The following PTPN5 variants were observed in gnomAD, a reference collection of about 807,000 sequenced individuals.
PTPN5 encodes the protein protein tyrosine phosphatase non-receptor type 5.
In PTPN5, 29 loss-of-function variants were observed where a neutral mutation model predicts 73.9. The ratio of observed to expected loss-of-function variants is 0.39; its 90% CI spans 0.29 to 0.54. PTPN5 has a LOEUF of 0.54. Among genes scored for constraint, PTPN5 ranks in the 20% least tolerant of loss-of-function variants. The probability of loss-of-function intolerance (pLI) is 0.65; values close to 1 mark genes in which losing one functional copy is unlikely to be tolerated. For missense variants in PTPN5, 652 were observed against 751.4 expected (o/e 0.87, Z 1.55); for synonymous variants, 267 against 304.7 (o/e 0.88, Z 1.29).
At chr11:18,761,844 G>T (rs1850406275) in intron 3 of PTPN5, among the ~76,000 whole-genome samples, 1 of 152,210 alleles carries the variant, frequency 6.6e-6, no homozygotes, top group African/African-American at 2.4e-5. Context: ...GGAGCTGAGA[G>T]AGGTGAGTGT....
At chr11:18,789,622 C>T (rs1851820765) in intron 1 of PTPN5, among the ~76,000 whole-genome samples, 1 of 152,236 alleles carries the variant, frequency 6.6e-6, no homozygotes, top group South Asian at 2.1e-4. Context: ...CCATGATGAG[C>T]TGCTCACCCC....
In PTPN5 at chr11:18,733,200, T is replaced by G. The variant is rs1235991338; in HGVS notation, c.1218+35A>C. On this transcript the variant is annotated intron_variant, in intron 11 of 14. Transcript: ENST00000358540. This position sits in a 1 kb window ranked among gnomAD's most constrained non-coding sequence, Gnocchi z 4.3. ...AAGATACTTAGTGTAGGGCGCAATGTAGCAGACACTTAGAATGGGGACGGG... is the reference window on the plus strand; with the variant it reads ...AAGATACTTAGTGTAGGGCGCAATGGAGCAGACACTTAGAATGGGGACGGG... 1.2e-6 allele frequency: 2 copies of G among 1,600,378 alleles called. No individual in the cohort carries two copies. Among genetic ancestry groups the G allele is most frequent in the South Asian group, 2.2e-5 (2 of 90,690 alleles).
chr11:18,754,097 T>C (rs1371884334), intron 3 of PTPN5, among the ~76,000 whole-genome samples: 8 of 152,146 alleles, frequency 5.3e-5, no homozygotes, highest in African/African-American at 1.9e-4. Context: ...TATGGCCCAC[T>C]GGAGATAACA....
At position 18,746,652 on chromosome 11, in the gene PTPN5, T is replaced by C. The variant is rs538722410; in HGVS notation, c.98-2453A>G. Among the ~76,000 whole-genome samples the C allele has an allele frequency of 3.9e-5, 6 of 152,222 alleles. No homozygotes were observed. The East Asian group carries it at 1.2e-3, about 29-fold the overall frequency. ...GCTAAAACAGACCAGTAAAGACATG[T>C]TTACAATACAGTGCATTAAGCAATA... On this transcript the variant is annotated intron_variant, in intron 3 of 14. Transcript: ENST00000358540.
chr11:18,765,944 G>C, intron 2 of PTPN5, 61 bp from the exon 3 acceptor site: 2 of 1,261,588 alleles, frequency 1.6e-6, no homozygotes, highest in South Asian at 1.3e-5. Flanking sequence ...CAAAAACCCT[G>C]AGCAAAGATA....
At chr11:18,743,115 G>T in intron 5 of PTPN5, 40 bp from the exon 6 acceptor site, 1 of 1,416,718 alleles carries the variant, frequency 7.1e-7, no homozygotes, top group South Asian at 1.2e-5. Context: ...TGGTGGTGGG[G>T]GCAGAGTTCT....
intron 3 of PTPN5, among the ~76,000 whole-genome samples, chr11:18,758,421 C>T (rs1180753890): frequency 6.6e-6 from 1 of 152,156 alleles, no homozygotes; most frequent in African/African-American, 2.4e-5. Context: ...AGGTGCCAGA[C>T]ATATAATAAA....
intron 3 of PTPN5, among the ~76,000 whole-genome samples, chr11:18,748,639 G>T (rs535635978): frequency 6.6e-6 from 1 of 152,042 alleles, no homozygotes; most frequent in African/African-American, 2.4e-5. Flanking sequence ...CCCTGATCTC[G>T]GGGGTGGGCA....
intron 3 of PTPN5, among the ~76,000 whole-genome samples, chr11:18,748,697 T>C (rs1198764863): frequency 1.3e-5 from 2 of 152,144 alleles, no homozygotes; most frequent in African/African-American, 4.8e-5. Flanking sequence ...GATGGAGAAC[T>C]GGGCTAGGAG....
chr11:18,742,548 G>GC lies in PTPN5; in HGVS notation c.484-46dup. 1 of 1,600,864 alleles carries GC rather than the reference G, an allele frequency of 6.2e-7. No homozygotes were observed. The highest frequency in any genetic ancestry group is 1.1e-5 in the South Asian group (1 of 90,430). On this transcript the variant is annotated intron_variant, in intron 6 of 14. Transcript: ENST00000358540. This position sits in a 1 kb window ranked among gnomAD's most constrained non-coding sequence, Gnocchi z 4.1. ...TCACAGATTTCGGACCACGCTGGCT[G>GC]CCCCCCGTGTTCCTGGAGTGCCCAT... is the stretch of plus-strand genomic sequence containing the variant.
intron 3 of PTPN5, among the ~76,000 whole-genome samples, chr11:18,746,257 T>A (rs929758632): frequency 1.4e-5 from 2 of 146,200 alleles, no homozygotes; most frequent in Non-Finnish European, 3.0e-5. Flanking sequence ...AGTGGTGCAA[T>A]CTTGGCTCAC....
rs1007919099 is a variant in PTPN5 at position 18,757,339 on chromosome 11, C to A, written c.97+8468G>T. On this transcript the variant is annotated intron_variant, in intron 3 of 14. Coordinates refer to ENST00000358540, the MANE Select transcript of PTPN5 (RefSeq NM_006906.2). Reference sequence around the variant, plus strand: ...AGGCAATGCCCAATACAAGGGCAGACACACTCAGCACTGTCTTTACACCCA... The same window carrying A: ...AGGCAATGCCCAATACAAGGGCAGAAACACTCAGCACTGTCTTTACACCCA... Among the ~76,000 whole-genome samples the A allele has an allele frequency of 8.7e-4, 132 of 152,202 alleles. 1 individual carries two copies. Among genetic ancestry groups the A allele is most frequent in the Non-Finnish European group, 6.0e-4 (41 of 68,040 alleles).
intron 3 of PTPN5, among the ~76,000 whole-genome samples, chr11:18,745,355 C>T (rs1222879901): frequency 6.6e-6 from 1 of 152,218 alleles, no homozygotes; most frequent in African/African-American, 2.4e-5. Context: ...GAGCACCTCC[C>T]ATGGCCTGGA....
rs142327334 is a variant in PTPN5 at position 18,774,958 on chromosome 11, C to A, written c.-113-2887G>T. Among the ~76,000 whole-genome samples, 956 of 152,314 alleles carry A rather than the reference C, an allele frequency of 6.3e-3. 21 individuals are homozygous for A. The highest frequency in any genetic ancestry group is 3.3e-3 in the Non-Finnish European group (225 of 68,040). Reference sequence around the variant, plus strand: ...GTTCAGTAACATCTTAGCTCCCGACCGAAGAGGATAACAATGACAGTATCT... The same window carrying A: ...GTTCAGTAACATCTTAGCTCCCGACAGAAGAGGATAACAATGACAGTATCT... On this transcript the variant is annotated intron_variant, in intron 1 of 14. Transcript: ENST00000358540.
chr11:18,735,768 C>CA lies in PTPN5; in HGVS notation c.1000+2111dup, dbSNP rs59859973. Reference sequence around the variant, plus strand: ...CAGCAGAGTGAGACTCTGTCTCCCCCAAAAAAAAAAAAAAAGCTGGACTTA... The same window carrying CA: ...CAGCAGAGTGAGACTCTGTCTCCCCCAAAAAAAAAAAAAAAAGCTGGACTTA... On this transcript the variant is annotated intron_variant, in intron 9 of 14. Transcript: ENST00000358540. Among the ~76,000 whole-genome samples, 54 of 148,388 alleles carry CA rather than the reference C, an allele frequency of 3.6e-4. 1 individual carries two copies. Among genetic ancestry groups the CA allele is most frequent in the African/African-American group, 1.2e-3 (48 of 40,060 alleles).
At chr11:18,787,829 G>A (rs370624463) in intron 1 of PTPN5, among the ~76,000 whole-genome samples, 2 of 152,152 alleles carry the variant, frequency 1.3e-5, no homozygotes, top group East Asian at 1.9e-4. Context: ...CAGGAAGTTC[G>A]TCTTTTTAGC....
At chr11:18,756,825 G>A (rs1850164270) in intron 3 of PTPN5, among the ~76,000 whole-genome samples, 1 of 151,646 alleles carries the variant, frequency 6.6e-6, no homozygotes, top group Non-Finnish European at 1.5e-5. Context: ...TCGGGAGGCT[G>A]AGGCAGGAGA....
chr11:18,754,494 A>G (rs1472705040), intron 3 of PTPN5, among the ~76,000 whole-genome samples: 1 of 152,190 alleles, frequency 6.6e-6, no homozygotes, highest in African/African-American at 2.4e-5. Flanking sequence ...TGTCTTCAAG[A>G]ATAACCAGCC....
intron 3 of PTPN5, among the ~76,000 whole-genome samples, chr11:18,763,743 C>G (rs945722052): frequency 1.3e-5 from 2 of 152,192 alleles, no homozygotes; most frequent in Non-Finnish European, 2.9e-5. Context: ...TCAATAAGTA[C>G]TTGAGTGAAT....
Sources: allele counts gnomAD v4.1 joint callset (sites outside exome capture counted in the v4.1 genomes callset), GRCh38; gene constraint gnomAD v4.1.1; non-coding constraint Gnocchi (gnomAD v3.1); transcripts MANE v1.5; gene names NCBI Gene and HGNC (gene_info 2026-07-23, HGNC 2026-07-21).